TAFA4: variants seen among roughly 807,000 people sequenced by gnomAD.
TAFA4 encodes TAFA chemokine like family member 4.
A neutral mutation model predicts 21.1 loss-of-function variants in TAFA4; 20 were observed. The ratio of observed to expected loss-of-function variants is 0.95; its 90% confidence interval spans 0.67 to 1.38. The LOEUF (loss-of-function observed/expected upper bound fraction) is 1.38. TAFA4 is among the 40% of genes most tolerant of loss of function. TAFA4 has a pLI of 0.00. For synonymous variants in TAFA4, 71 were observed against 67.4 expected, an observed-to-expected ratio of 1.05 and a Z score of -0.26; for missense variants, 211 against 180.9, an observed-to-expected ratio of 1.17 and a Z score of -0.95.
intron 3 of TAFA4, among the ~76,000 whole-genome samples, chr3:68,861,652 C>T (rs4855530): frequency 0.22 from 33,277 of 151,822 alleles, 4,412 homozygotes; most frequent in East Asian, 0.61. Flanking sequence ...GAATTCACCC[C>T]AGAGCAGAGT....
intron 3 of TAFA4, among the ~76,000 whole-genome samples, chr3:68,854,110 G>T (rs1705013169): frequency 6.6e-6 from 1 of 152,044 alleles, no homozygotes; most frequent in Admixed American, 6.6e-5. Context: ...GCAGGAGTAT[G>T]GGAGAGTGAC....
intron 3 of TAFA4, among the ~76,000 whole-genome samples, chr3:68,819,174 G>T (rs1475120325): frequency 6.6e-6 from 1 of 151,816 alleles, no homozygotes; most frequent in African/African-American, 2.4e-5. Flanking sequence ...TGAAGGCTGA[G>T]GTGGGAGAAC....
chr3:68,757,460 G>GTTAGA (rs981847159), intron 3 of TAFA4, among the ~76,000 whole-genome samples: 29 of 152,220 alleles, frequency 1.9e-4, no homozygotes, highest in African/African-American at 7.0e-4. Context: ...TCATGCCTTG[G>GTTAGA]TTAGATTACT....
rs139685243 is a variant in TAFA4 at position 68,917,709 on chromosome 3, G to A, written c.-123+14531C>T. On this transcript the variant is annotated intron_variant, in intron 1 of 5. Coordinates refer to ENST00000295569, the MANE Select transcript of TAFA4 (RefSeq NM_182522.5). ...GCAGAGGTTGCAGTGAGCTGAGATCGCGCCACTGCACTCCAGCCTGGACGA... is the reference window on the plus strand; with the variant it reads ...GCAGAGGTTGCAGTGAGCTGAGATCACGCCACTGCACTCCAGCCTGGACGA... 6.5e-3 allele frequency among the ~76,000 whole-genome samples: 905 copies of A among 140,182 alleles called. 12 individuals carry two copies. The highest frequency in any genetic ancestry group is 0.023 in the African/African-American group (855 of 36,826). 92.0% of individuals were successfully genotyped at this position (140,182 alleles called of 152,430 possible). A position where few individuals can be genotyped will look rare whatever the true frequency, so the allele number is the denominator to read the frequency against.
At chr3:68,918,570 C>T (rs1055004937) in intron 1 of TAFA4, among the ~76,000 whole-genome samples, 1 of 152,164 alleles carries the variant, frequency 6.6e-6, no homozygotes, top group Non-Finnish European at 1.5e-5. Context: ...CAGGGTCTTG[C>T]TCTGTCACCC....
intron 3 of TAFA4, among the ~76,000 whole-genome samples, chr3:68,877,089 T>C (rs2089558001): frequency 6.6e-6 from 1 of 152,136 alleles, no homozygotes; most frequent in South Asian, 2.1e-4. Flanking sequence ...CCGGGCGCAG[T>C]GTCTCAGGCC....
At chr3:68,777,028 A>G (rs1703060648) in intron 3 of TAFA4, among the ~76,000 whole-genome samples, 1 of 152,152 alleles carries the variant, frequency 6.6e-6, no homozygotes, top group African/African-American at 2.4e-5. Flanking sequence ...ACTCAGCACA[A>G]TAAGAAATAA....
intron 1 of TAFA4, among the ~76,000 whole-genome samples, chr3:68,898,831 C>A (rs964869757): frequency 2.0e-5 from 3 of 152,022 alleles, no homozygotes; most frequent in African/African-American, 7.3e-5. Flanking sequence ...CCCAAGTATA[C>A]AATATTAGTG....
intron 3 of TAFA4, among the ~76,000 whole-genome samples, chr3:68,817,039 C>G (rs1299612900): frequency 6.6e-6 from 1 of 152,134 alleles, no homozygotes; most frequent in Non-Finnish European, 1.5e-5. Flanking sequence ...TTTGATGCAT[C>G]AATTAACTCT....
chr3:68,760,836 A>G (rs1401401940), intron 3 of TAFA4, among the ~76,000 whole-genome samples: 3 of 152,182 alleles, frequency 2.0e-5, no homozygotes, highest in Non-Finnish European at 4.4e-5. Flanking sequence ...GCAGTGTAGA[A>G]GACGATAGTA....
rs73835344 is a variant in TAFA4 at position 68,748,007 on chromosome 3, C to G, written c.286+4856G>C. ...TCCCTCCACCATCATATCCTTCTAC[C>G]TACTAAATTCAGACTCATTGCTTCT... is the stretch of plus-strand genomic sequence containing the variant. On this transcript the variant is annotated intron_variant, in intron 4 of 5. Coordinates refer to ENST00000295569, the MANE Select transcript of TAFA4 (RefSeq NM_182522.5). Among the ~76,000 whole-genome samples, 487 of 152,248 alleles carry G rather than the reference C, an allele frequency of 3.2e-3. 3 individuals are homozygous for G. The highest frequency in any genetic ancestry group is 9.6e-3 in the African/African-American group (397 of 41,556).
chr3:68,789,581 G>A (rs1168373632), intron 3 of TAFA4, among the ~76,000 whole-genome samples: 1 of 151,980 alleles, frequency 6.6e-6, no homozygotes, highest in Non-Finnish European at 1.5e-5. Context: ...AAAGCTGGGG[G>A]AGCACATCTC....
At chr3:68,733,345 T>C (rs933402716) in intron 5 of TAFA4, among the ~76,000 whole-genome samples, 192 bp from the exon 6 acceptor site, 1 of 152,134 alleles carries the variant, frequency 6.6e-6, no homozygotes, top group Non-Finnish European at 1.5e-5. Context: ...AAAGAATACA[T>C]GCACAAAGAC....
At chr3:68,913,738 G>C (rs1362167982) in intron 1 of TAFA4, 1 of 149,648 alleles carries the variant, frequency 6.7e-6, no homozygotes, top group African/African-American at 2.6e-5. Context: ...TTACTAATCT[G>C]ATCAATGTCT....
intron 4 of TAFA4, among the ~76,000 whole-genome samples, chr3:68,743,601 GT>G (rs1702399128): frequency 6.7e-6 from 1 of 149,700 alleles, no homozygotes; most frequent in African/African-American, 2.5e-5. Context: ...AAAAAGTTAA[GT>G]TATATTCTTT....
chr3:68,843,607 G>C (rs1575636743), intron 3 of TAFA4, among the ~76,000 whole-genome samples: 1 of 152,154 alleles, frequency 6.6e-6, no homozygotes, highest in African/African-American at 2.4e-5. Flanking sequence ...GTTTTCAAGG[G>C]GAATGCTTCC....
intron 1 of TAFA4, among the ~76,000 whole-genome samples, chr3:68,921,145 C>T (rs1056212757): frequency 7.2e-5 from 11 of 152,164 alleles, no homozygotes; most frequent in East Asian, 1.9e-4. Context: ...CAAACCTAGT[C>T]GCACGCAACA....
intron 3 of TAFA4, among the ~76,000 whole-genome samples, chr3:68,763,638 A>T (rs188803702): frequency 3.3e-5 from 5 of 152,118 alleles, no homozygotes; most frequent in African/African-American, 4.8e-5. Context: ...ATCACTTCTA[A>T]TAAGTCTTAA....
chr3:68,895,111 C>G (rs561441380), intron 1 of TAFA4, among the ~76,000 whole-genome samples: 1 of 152,264 alleles, frequency 6.6e-6, no homozygotes, highest in East Asian at 1.9e-4. Flanking sequence ...AATTCTCCTG[C>G]CTCAGCCTCC....
Sources: allele counts gnomAD v4.1 joint callset (sites outside exome capture counted in the v4.1 genomes callset), GRCh38; gene constraint gnomAD v4.1.1; transcripts MANE v1.5; gene names NCBI Gene and HGNC (gene_info 2026-07-23, HGNC 2026-07-21).